Variants in SLC2A13 observed in about 807,000 individuals in gnomAD.
SLC2A13 encodes solute carrier family 2 member 13.
A neutral mutation model predicts 64.4 loss-of-function variants in SLC2A13; 32 were observed. That is an observed-to-expected ratio of 0.50 (90% CI 0.37 to 0.67). The LOEUF is 0.67. SLC2A13 is among the 30% of genes least tolerant of loss of function. The pLI is 0.00. For missense variants in SLC2A13, 743 were observed against 829.2 expected, an observed-to-expected ratio of 0.90 and a Z score of 1.28; for synonymous variants, 338 against 327.1, an observed-to-expected ratio of 1.03 and a Z score of -0.36.
In SLC2A13 at chr12:39,896,507, T is replaced by C. The variant is rs1565528725; in HGVS notation, c.1035-24546A>G. 4.1e-5 allele frequency among the ~76,000 whole-genome samples: 6 copies of C among 146,250 alleles called. No individual in the cohort carries two copies. In the South Asian group the frequency reaches 6.4e-4, roughly 16 times the overall value. On this transcript the variant is annotated intron_variant, in intron 4 of 9. Transcript: ENST00000280871. ...GTATATATGTACACATATATGTATG[T>C]ACATGTGTGTATACATGTATACATG...
rs184159533 is a variant in SLC2A13, at chr12:39,900,991, A to T, written c.1035-29030T>A. 5.3e-5 allele frequency among the ~76,000 whole-genome samples: 8 copies of T among 152,266 alleles called. No individual in the cohort carries two copies. In the East Asian group the frequency reaches 1.5e-3, roughly 29 times the overall value. Reference sequence around the variant, plus strand: ...GCATGGTACCGGTACCAAAACAGAGATATAGATCAATGGAACTGAACAGAG... The same window carrying T: ...GCATGGTACCGGTACCAAAACAGAGTTATAGATCAATGGAACTGAACAGAG... On this transcript the variant is annotated intron_variant, in intron 4 of 9. Transcript: ENST00000280871.
chr12:39,842,731 G>A (rs150472709), intron 6 of SLC2A13, among the ~76,000 whole-genome samples: 130 of 151,936 alleles, frequency 8.6e-4, no homozygotes, highest in Middle Eastern at 3.4e-3. Flanking sequence ...ATCCAATTCC[G>A]GAACATTTTC....
At position 40,105,369 on chromosome 12, in the gene SLC2A13, C is replaced by G; in HGVS notation, c.440G>C (p.Arg147Pro). The G allele has an allele frequency of 6.4e-7, 1 of 1,574,086 alleles. No homozygotes were observed. The highest frequency in any genetic ancestry group is 8.6e-7 in the Non-Finnish European group (1 of 1,160,854). Residue 147 changes from arginine to proline, a missense_variant, in exon 1 of 10, where the codon CGC becomes CCC. This residue lies in a region of SLC2A13 where 448 missense variants were observed against 447.4 expected (regional missense o/e 1.00). Transcript: ENST00000280871. The surrounding 1 kb of genome is among the most constrained non-coding windows in gnomAD (Gnocchi z 4.2). ...ACTGGCCAGGAGGATGGCAGCGCGG[C>G]GGCCGAAGACGCCGTTGAGGGCGCC... Reference protein sequence around the residue: ...AGGALNGVFGRRAAILLASAL... With the variant: ...AGGALNGVFGPRAAILLASAL...
intron 1 of SLC2A13, among the ~76,000 whole-genome samples, chr12:40,103,702 G>A (rs1166297456): frequency 6.6e-6 from 1 of 152,172 alleles, no homozygotes; most frequent in South Asian, 2.1e-4. Context: ...TACCTAAAAT[G>A]ATGTTATTTC....
chr12:40,018,753 A>G (rs1033613772), intron 3 of SLC2A13, among the ~76,000 whole-genome samples: 4 of 152,148 alleles, frequency 2.6e-5, no homozygotes, highest in Admixed American at 6.6e-5. Flanking sequence ...TGATTGGGGT[A>G]AACAGGGAAG....
intron 7 of SLC2A13, among the ~76,000 whole-genome samples, chr12:39,773,219 A>G (rs1940648530): frequency 6.6e-6 from 1 of 152,150 alleles, no homozygotes; most frequent in African/African-American, 2.4e-5. Context: ...TGACTGCAAT[A>G]ATGGGAAGCT....
chr12:39,840,584 T>C (rs1161904844), intron 6 of SLC2A13, among the ~76,000 whole-genome samples: 1 of 151,998 alleles, frequency 6.6e-6, no homozygotes, highest in African/African-American at 2.4e-5. Flanking sequence ...TCATATTGTT[T>C]TCTCTGGATG....
chr12:40,052,881 G>C (rs996044474), intron 1 of SLC2A13, among the ~76,000 whole-genome samples: 1 of 152,096 alleles, frequency 6.6e-6, no homozygotes. Flanking sequence ...TAAGGGACTA[G>C]GAGGGGGAAC....
intron 6 of SLC2A13, among the ~76,000 whole-genome samples, chr12:39,864,371 G>A (rs1943846464): frequency 6.6e-6 from 1 of 152,172 alleles, no homozygotes; most frequent in Non-Finnish European, 1.5e-5. Context: ...TATTCAGAGG[G>A]CATGTGCATC....
rs192749479 is a variant in SLC2A13 at position 40,028,398 on chromosome 12, A to G, written c.828T>C (p.Arg276=). ...TACCACGCATCTGAGATAAAATTCT[A>G]CGGGCCTTCTGAGTCTGTCCTTTCT... ...LIQKGQTQKA[R]RILSQMRGNQ... is the part of the protein sequence containing the mutation. The change falls in exon 3 of 10, where the codon CGT becomes CGC. Residue 276 remains arginine (R), a synonymous_variant. Coordinates refer to ENST00000280871, the MANE Select transcript of SLC2A13 (RefSeq NM_052885.4). 6.2e-7 allele frequency: 1 copy of G among 1,614,070 alleles called. No homozygotes were observed. The highest frequency in any genetic ancestry group is 2.2e-5 in the East Asian group (1 of 44,880).
intron 2 of SLC2A13, among the ~76,000 whole-genome samples, chr12:40,046,830 C>A (rs966395814): frequency 1.6e-4 from 24 of 152,132 alleles, no homozygotes; most frequent in African/African-American, 5.8e-4. Flanking sequence ...TCATCCTAAG[C>A]CACAAGGTTT....
At chr12:39,955,951 A>C (rs1946307922) in intron 3 of SLC2A13, among the ~76,000 whole-genome samples, 1 of 152,204 alleles carries the variant, frequency 6.6e-6, no homozygotes, top group Non-Finnish European at 1.5e-5. Flanking sequence ...GCGTTAAGCT[A>C]CCAAATTTGT....
At chr12:40,094,804 T>C (rs1483840217) in intron 1 of SLC2A13, among the ~76,000 whole-genome samples, 1 of 152,240 alleles carries the variant, frequency 6.6e-6, no homozygotes. Context: ...GTGTCCATGC[T>C]TATGGGAATA....
chr12:39,914,826 T>C (rs906684152), intron 4 of SLC2A13, among the ~76,000 whole-genome samples: 1 of 151,940 alleles, frequency 6.6e-6, no homozygotes, highest in African/African-American at 2.4e-5. Flanking sequence ...CCTGAATATA[T>C]AAGATAAAAC....
At chr12:39,996,259 A>G (rs1378391982) in intron 3 of SLC2A13, among the ~76,000 whole-genome samples, 1 of 152,186 alleles carries the variant, frequency 6.6e-6, no homozygotes, top group Non-Finnish European at 1.5e-5. Context: ...CTTGAGAGAG[A>G]TGATTTGTGG....
intron 7 of SLC2A13, among the ~76,000 whole-genome samples, chr12:39,805,415 G>A (rs1009964365): frequency 1.3e-5 from 2 of 152,208 alleles, no homozygotes; most frequent in South Asian, 2.1e-4. Flanking sequence ...GTGTAAGGAA[G>A]TGGGAATCTG....
chr12:39,817,377 T>G (rs1942367115), intron 7 of SLC2A13, among the ~76,000 whole-genome samples: 1 of 145,546 alleles, frequency 6.9e-6, no homozygotes, highest in Non-Finnish European at 1.5e-5. Flanking sequence ...GTTCCATTAC[T>G]GTTTCCATTT....
At chr12:40,066,794 A>C (rs1453547487) in intron 1 of SLC2A13, among the ~76,000 whole-genome samples, 1 of 152,206 alleles carries the variant, frequency 6.6e-6, no homozygotes, top group Non-Finnish European at 1.5e-5. Context: ...AAAATGAAGT[A>C]AGTCAATGAA....
chr12:40,058,566 T>C (rs1948369969), intron 1 of SLC2A13, among the ~76,000 whole-genome samples: 1 of 152,202 alleles, frequency 6.6e-6, no homozygotes, highest in Admixed American at 6.5e-5. Flanking sequence ...GAACGTCATT[T>C]GATTCTCTTT....
Sources: gnomAD v4.1 joint callset for allele counts (sites outside exome capture counted in the v4.1 genomes callset) on GRCh38, gnomAD v4.1.1 for gene constraint, gnomAD v4.1.1 regional missense constraint, Gnocchi (gnomAD v3.1) non-coding constraint, MANE v1.5 for transcripts, NCBI Gene and HGNC (gene_info 2026-07-23, HGNC 2026-07-21) for gene names.